The following RANBP2 variants were observed in gnomAD, a reference collection of about 807,000 sequenced individuals.
The protein encoded by RANBP2 is E3 SUMO-protein ligase RanBP2.
RANBP2 carries 57 observed loss-of-function variants against 303.6 expected under a neutral mutation model. The observed-to-expected ratio is 0.19, with a 90% confidence interval of 0.15 to 0.23. The LOEUF is 0.23. Ranked by LOEUF, RANBP2 falls within the 10% of genes least tolerant of loss-of-function variation. RANBP2 has a pLI of 1.00. For synonymous variants in RANBP2, 1,167 were observed against 1,301.5 expected, an observed-to-expected ratio of 0.90 and a Z score of 2.23; for missense variants, 3,138 against 3,780.8, an observed-to-expected ratio of 0.83 and a Z score of 4.46.
At chr2:109,382,897 A>T in the RANBP2 span, among the ~76,000 whole-genome samples, 1 of 151,846 alleles carries the variant, frequency 6.6e-6, no homozygotes, top group African/African-American at 2.4e-5. Context: ...TCCTCCCACC[A>T]TCTCATTCTA....
chr2:109,529,104 C>T, the RANBP2 span, among the ~76,000 whole-genome samples: 1 of 152,222 alleles, frequency 6.6e-6, no homozygotes, highest in African/African-American at 2.4e-5. Context: ...TCCATCCAGG[C>T]ACCCGGTGGC....
chr2:108,798,223 A>G, the RANBP2 span, among the ~76,000 whole-genome samples: 2 of 152,286 alleles, frequency 1.3e-5, no homozygotes, highest in South Asian at 2.1e-4. Context: ...GACTCTTACT[A>G]TAGTGTCATA....
At chr2:109,152,439 C>T in the RANBP2 span, among the ~76,000 whole-genome samples, 131 of 152,288 alleles carry the variant, frequency 8.6e-4, 2 homozygotes, top group Non-Finnish European at 4.4e-4. Context: ...AAGTTGAGAA[C>T]GAGAGCATAA....
At chr2:108,910,843 G>A in the RANBP2 span, 4 of 1,614,138 alleles carry the variant, frequency 2.5e-6, no homozygotes, top group Non-Finnish European at 2.5e-6. Context: ...GGTGGCTGGT[G>A]CAACAGGCTG....
At chr2:108,741,427 A>G (rs1472232149) in intron 7 of RANBP2, among the ~76,000 whole-genome samples, 5 of 140,970 alleles carry the variant, frequency 3.5e-5, no homozygotes, top group Non-Finnish European at 7.6e-5. Context: ...CCATCTCTTG[A>G]CCTCGTGATC....
intron 7 of RANBP2, among the ~76,000 whole-genome samples, chr2:108,742,550 C>T (rs1365425223): frequency 6.6e-6 from 1 of 151,856 alleles, no homozygotes; most frequent in Non-Finnish European, 1.5e-5. Context: ...GCGATCCACC[C>T]GACTTGGCCT....
the RANBP2 span, among the ~76,000 whole-genome samples, chr2:109,351,696 G>A: frequency 6.6e-6 from 1 of 152,184 alleles, no homozygotes; most frequent in Non-Finnish European, 1.5e-5. Context: ...AATCACTTTT[G>A]CACATGACTG....
the RANBP2 span, among the ~76,000 whole-genome samples, chr2:108,924,007 C>A: frequency 6.6e-6 from 1 of 152,260 alleles, no homozygotes; most frequent in African/African-American, 2.4e-5. Context: ...GAGGTCAATG[C>A]AGGTGGCCCT....
chr2:109,697,699 C>G, the RANBP2 span, among the ~76,000 whole-genome samples: 574 of 152,122 alleles, frequency 3.8e-3, 4 homozygotes, highest in African/African-American at 0.013. Flanking sequence ...TTTCTTCTTT[C>G]TGATCTGTTT....
chr2:109,433,743 G>A, the RANBP2 span, among the ~76,000 whole-genome samples: 1 of 152,190 alleles, frequency 6.6e-6, no homozygotes, highest in Non-Finnish European at 1.5e-5. Flanking sequence ...CAGAAGCGGG[G>A]GCTAAGGGAT....
intron 22 of RANBP2, 105 bp from the exon 23 acceptor site, chr2:108,772,763 C>A: frequency 1.5e-6 from 2 of 1,294,430 alleles, no homozygotes; most frequent in Non-Finnish European, 2.2e-6. Flanking sequence ...TTAGTATGTA[C>A]AGGTCTTGTT....
chr2:109,385,821 A>AG, the RANBP2 span, among the ~76,000 whole-genome samples: 3 of 152,264 alleles, frequency 2.0e-5, no homozygotes, highest in African/African-American at 7.2e-5. Context: ...AACAAAAAAA[A>AG]TAAACCCAGG....
the RANBP2 span, among the ~76,000 whole-genome samples, chr2:108,859,058 C>G: frequency 6.6e-5 from 10 of 152,070 alleles, no homozygotes; most frequent in East Asian, 1.9e-3. Flanking sequence ...ATTGCTGAAT[C>G]GAATGGCAGT....
At chr2:109,014,936 A>G in the RANBP2 span, among the ~76,000 whole-genome samples, 1 of 152,042 alleles carries the variant, frequency 6.6e-6, no homozygotes, top group South Asian at 2.1e-4. Flanking sequence ...CCTGGCCAAT[A>G]TGGTGAAACC....
the RANBP2 span, among the ~76,000 whole-genome samples, chr2:109,345,598 A>G: frequency 3.3e-5 from 5 of 152,296 alleles, no homozygotes; most frequent in South Asian, 8.3e-4. Flanking sequence ...ACTTCAGAGC[A>G]TGTTCTTTTC....
the RANBP2 span, among the ~76,000 whole-genome samples, chr2:108,889,473 T>C: frequency 2.0e-5 from 3 of 152,202 alleles, no homozygotes; most frequent in Admixed American, 2.0e-4. Flanking sequence ...GCTCCAATAT[T>C]CTAGACATAT....
the RANBP2 span, among the ~76,000 whole-genome samples, chr2:108,982,399 T>C: frequency 9.2e-5 from 14 of 152,240 alleles, no homozygotes; most frequent in African/African-American, 3.4e-4. Flanking sequence ...CTTTAACTGA[T>C]GCCGTGGGAG....
the RANBP2 span, among the ~76,000 whole-genome samples, chr2:109,010,588 C>T: frequency 6.6e-6 from 1 of 152,272 alleles, no homozygotes; most frequent in African/African-American, 2.4e-5. Context: ...TGTGTCTTCA[C>T]GTGGTGGCGA....
the RANBP2 span, among the ~76,000 whole-genome samples, chr2:108,917,203 C>A: frequency 6.6e-6 from 1 of 152,164 alleles, no homozygotes; most frequent in Non-Finnish European, 1.5e-5. Flanking sequence ...ACAGCTGTTT[C>A]ATAAAAGCAA....
Sources: gnomAD v4.1 joint callset for allele counts (sites outside exome capture counted in the v4.1 genomes callset) on GRCh38, gnomAD v4.1.1 for gene constraint, MANE v1.5 for transcripts, NCBI Gene and HGNC (gene_info 2026-07-23, HGNC 2026-07-21) for gene names.